SBK1: variants seen among roughly 807,000 people sequenced by gnomAD.
The protein encoded by SBK1 is serine/threonine-protein kinase SBK1.
SBK1 carries 11 observed loss-of-function variants against 24.4 expected under a neutral mutation model. The ratio of observed to expected loss-of-function variants is 0.45; its 90% CI spans 0.28 to 0.75. The LOEUF is 0.75. Among genes scored for constraint, SBK1 ranks in the 30% least tolerant of loss-of-function variants. The pLI is 0.12. For missense variants in SBK1, 467 were observed against 620.5 expected, an observed-to-expected ratio of 0.75 and a Z score of 2.63; for synonymous variants, 308 against 284.4, an observed-to-expected ratio of 1.08 and a Z score of -0.83.
chr16:28,304,474 T>C (rs1359190460), intron 1 of SBK1, among the ~76,000 whole-genome samples: 2 of 152,214 alleles, frequency 1.3e-5, no homozygotes, highest in African/African-American at 2.4e-5. Context: ...TGAGTGACTT[T>C]GGGCAAGTTG....
intron 1 of SBK1, among the ~76,000 whole-genome samples, chr16:28,260,888 C>T (rs905610700): frequency 2.6e-5 from 4 of 152,126 alleles, no homozygotes; most frequent in Non-Finnish European, 2.9e-5. Context: ...CAGGAGCCAT[C>T]GGAGGCCCAC....
rs1195430001 is a variant in SBK1 at position 28,259,694 on chromosome 16, C to T, written c.257+192C>T. Among the ~76,000 whole-genome samples the T allele has an allele frequency of 1.3e-5, 2 of 152,198 alleles. No homozygotes were observed. The highest frequency in any genetic ancestry group is 2.4e-5 in the African/African-American group (1 of 41,452). ...GCCACAGCCTCCTTCCTATCTCCCC[C>T]ACCCTAGCCCCAGAGTGGCTTTCAC... On this transcript the variant is annotated intron_variant, in intron 1 of 3. Transcript: ENST00000671413. This position sits in a 1 kb window ranked among gnomAD's most constrained non-coding sequence, Gnocchi z 6.0.
rs1223749659 is a variant in SBK1 at position 28,269,032 on chromosome 16, CTTTTTTT to C, written c.257+9543_257+9549del. Among the ~76,000 whole-genome samples, 13 of 130,224 alleles carry C rather than the reference CTTTTTTT, an allele frequency of 1.0e-4. No homozygotes were observed. In the East Asian group the frequency reaches 2.8e-3, roughly 28 times the overall value. The allele number at this position is 130,224 out of a possible 152,430, so 85.4% of individuals were successfully genotyped here. A position where few individuals can be genotyped will look rare whatever the true frequency, so the allele number is the denominator to read the frequency against. On this transcript the variant is annotated intron_variant, in intron 1 of 3. Transcript: ENST00000671413. The stretch of plus-strand genomic sequence containing the variant: ...TCAAAGCCAAATAGCAAGTTCTTTC[CTTTTTTT>C]TTTTTTTTTTTTGAGATGGAGTCTT...
intron 1 of SBK1, among the ~76,000 whole-genome samples, chr16:28,293,570 G>C (rs1050158895): frequency 1.3e-5 from 2 of 150,676 alleles, no homozygotes. Flanking sequence ...GCCATGGAGA[G>C]GGGGGAAGAG....
intron 1 of SBK1, among the ~76,000 whole-genome samples, chr16:28,314,096 G>A (rs964413404): frequency 1.3e-5 from 2 of 152,054 alleles, no homozygotes; most frequent in South Asian, 2.1e-4. Context: ...CTTAACCCTC[G>A]CAAGAACGCA....
chr16:28,266,733 CT>C (rs376731367), intron 1 of SBK1, among the ~76,000 whole-genome samples: 46,603 of 137,310 alleles, frequency 0.34, 7,606 homozygotes, highest in Admixed American at 0.4. Flanking sequence ...TTTTTCTTTT[CT>C]TTTTTTTTTT....
intron 1 of SBK1, among the ~76,000 whole-genome samples, chr16:28,300,307 CTTTTTTGT>C (rs953092139): frequency 6.3e-5 from 6 of 95,892 alleles, no homozygotes; most frequent in African/African-American, 2.1e-4. Flanking sequence ...TCCTATCTCT[CTTTTTTGT>C]TTGTTTGTTT....
At chr16:28,318,877 G>T in intron 2 of SBK1, 118 bp from the exon 3 acceptor site, 7 of 780,188 alleles carry the variant, frequency 9.0e-6, no homozygotes, top group Non-Finnish European at 1.6e-5. Context: ...CGTGAGATGA[G>T]GACAGTCATG....
At chr16:28,312,826 C>T (rs2044762870) in intron 1 of SBK1, among the ~76,000 whole-genome samples, 1 of 152,006 alleles carries the variant, frequency 6.6e-6, no homozygotes, top group Non-Finnish European at 1.5e-5. Context: ...AAGGTGAGAC[C>T]CCATCTCTAC....
chr16:28,311,538 C>CA (rs1374433564), intron 1 of SBK1, among the ~76,000 whole-genome samples: 1 of 151,482 alleles, frequency 6.6e-6, no homozygotes, highest in Admixed American at 6.6e-5. Context: ...TCTCTAAACA[C>CA]AAAAAATAAA....
At chr16:28,278,384 C>T (rs1403011179) in intron 1 of SBK1, among the ~76,000 whole-genome samples, 3 of 152,022 alleles carry the variant, frequency 2.0e-5, no homozygotes, top group Non-Finnish European at 4.4e-5. Context: ...CTCTGTCACC[C>T]AGGCTGGAGT....
At chr16:28,316,127 G>C (rs369099774) in intron 1 of SBK1, among the ~76,000 whole-genome samples, 1 of 152,104 alleles carries the variant, frequency 6.6e-6, no homozygotes, top group Non-Finnish European at 1.5e-5. Context: ...GGGTGGTGAG[G>C]TCGTCTGCAG....
chr16:28,268,156 G>C (rs2044441921), intron 1 of SBK1, among the ~76,000 whole-genome samples: 1 of 152,058 alleles, frequency 6.6e-6, no homozygotes, highest in Non-Finnish European at 1.5e-5. Context: ...CCCTCTCCCT[G>C]TCAAATAGCA....
At chr16:28,310,779 G>GA (rs1269649718) in intron 1 of SBK1, among the ~76,000 whole-genome samples, 1 of 151,846 alleles carries the variant, frequency 6.6e-6, no homozygotes, top group African/African-American at 2.4e-5. Flanking sequence ...AGTCCTGTGT[G>GA]AATGTTGGTT....
At chr16:28,288,051 G>A (rs2044577102), upstream of SBK1, among the ~76,000 whole-genome samples, 1 of 152,142 alleles carries the variant, frequency 6.6e-6, no homozygotes, top group Non-Finnish European at 1.5e-5. Context: ...CCAAGAAGGA[G>A]GGAGGAAGAG....
chr16:28,318,861 C>T lies in SBK1; in HGVS notation c.227-134C>T, dbSNP rs2044816895. ...GTCCTTTCCTCTCTCTGGGTCTGTT[C>T]CCATCCGTGAGATGAGGACAGTCAT... On this transcript the variant is annotated intron_variant, in intron 2 of 3. Coordinates refer to ENST00000341901, the MANE Select transcript of SBK1 (RefSeq NM_001024401.3). 4 of 741,932 alleles carry T rather than the reference C, an allele frequency of 5.4e-6. No homozygotes were observed. The Admixed American group carries it at 5.8e-5, about 11-fold the overall frequency. The allele number at this position is 741,932 out of a possible 1,614,324, so 46.0% of individuals were successfully genotyped here. A position where few individuals can be genotyped will look rare whatever the true frequency, so the allele number is the denominator to read the frequency against.
Position 28,320,747 on chromosome 16 carries a change from C to G in SBK1, c.1101C>G (p.Pro367=). 8.1e-7 allele frequency: 1 copy of G among 1,235,100 alleles called. No homozygotes were observed. The highest frequency in any genetic ancestry group is 1.0e-6 in the Non-Finnish European group (1 of 980,276). The allele number at this position is 1,235,100 out of a possible 1,614,324, so 76.5% of individuals were successfully genotyped here. A position where few individuals can be genotyped will look rare whatever the true frequency, so the allele number is the denominator to read the frequency against. Residue 367 remains proline (P), a synonymous_variant, in exon 4 of 4, where the codon CCC becomes CCG. Transcript: ENST00000341901. The surrounding 1 kb of genome is among the most constrained non-coding windows in gnomAD (Gnocchi z 8.5). ...GCGGCAGCGGCTCCCGGCCCGCGCC[C>G]CCCGCCGTCGGGTCGGTGCCCTTGC... The part of the protein sequence containing the change: ...TESGSGSRPA[P]PAVGSVPLPV...
At chr16:28,290,429 G>A (rs575267588), upstream of SBK1, 6 of 152,232 alleles carry the variant, frequency 3.9e-5, no homozygotes, top group Non-Finnish European at 8.8e-5. Context: ...GAAGTCAGGA[G>A]TTTGAGACCA....
At chr16:28,284,548 G>C (rs911593000) in intron 1 of SBK1, among the ~76,000 whole-genome samples, 1 of 152,244 alleles carries the variant, frequency 6.6e-6, no homozygotes, top group South Asian at 2.1e-4. Context: ...TCAGGGTGGC[G>C]GGGCCCAGGG....
Sources: gnomAD v4.1 joint callset for allele counts (sites outside exome capture counted in the v4.1 genomes callset) on GRCh38, gnomAD v4.1.1 for gene constraint, Gnocchi (gnomAD v3.1) non-coding constraint, MANE v1.5 for transcripts, NCBI Gene and HGNC (gene_info 2026-07-23, HGNC 2026-07-21) for gene names.